Variants in DAPK1 observed in about 807,000 individuals in gnomAD.
The protein encoded by DAPK1 is death associated protein kinase 1, also known as death-associated protein kinase 1.
Under a neutral mutation model 144.9 loss-of-function variants are expected in DAPK1, and 56 were observed. The observed-to-expected ratio is 0.39, with a 90% CI of 0.31 to 0.48. The LOEUF is 0.48. DAPK1 is among the 20% of genes least tolerant of loss of function. The probability of loss-of-function intolerance (pLI) is 0.95; values close to 1 mark genes in which losing one functional copy is unlikely to be tolerated. For missense variants in DAPK1, 1,454 were observed against 1,875.4 expected, an observed-to-expected ratio of 0.78 and a Z score of 4.15; for synonymous variants, 690 against 749.0, an observed-to-expected ratio of 0.92 and a Z score of 1.29.
In DAPK1 at chr9:87,645,876, C is replaced by G; in HGVS notation, c.1012-19C>G. 1 of 1,612,774 alleles carries G rather than the reference C, an allele frequency of 6.2e-7. No homozygotes were observed. Among genetic ancestry groups the G allele is most frequent in the South Asian group, 1.1e-5 (1 of 90,948 alleles). ...GCTAGCAATGTAACTCTGTTTCCATCTTGGCTGTCTCTCTCAAGGATGAGG... is the reference window on the plus strand; with the variant it reads ...GCTAGCAATGTAACTCTGTTTCCATGTTGGCTGTCTCTCTCAAGGATGAGG... On this transcript the variant is annotated intron_variant, in intron 11 of 25. Transcript: ENST00000408954.
At chr9:87,639,237 C>T in intron 4 of DAPK1, 117 bp from the exon 5 acceptor site, 9 of 939,930 alleles carry the variant, frequency 9.6e-6, no homozygotes, top group Non-Finnish European at 1.3e-5. Flanking sequence ...CTTCCAACCA[C>T]CCTTTCTTCC....
At chr9:87,596,072 C>G (rs1451712841) in intron 2 of DAPK1, among the ~76,000 whole-genome samples, 1 of 152,010 alleles carries the variant, frequency 6.6e-6, no homozygotes, top group South Asian at 2.1e-4. Context: ...AGAATAACTC[C>G]AGGTGTGGGC....
chr9:87,574,746 C>T (rs1248249705), intron 2 of DAPK1, among the ~76,000 whole-genome samples: 1 of 152,084 alleles, frequency 6.6e-6, no homozygotes, highest in East Asian at 1.9e-4. Context: ...TGGTGAAACC[C>T]CGTCTCTACT....
intron 21 of DAPK1, among the ~76,000 whole-genome samples, chr9:87,693,168 T>C (rs1189237776): frequency 1.3e-5 from 2 of 151,642 alleles, no homozygotes; most frequent in Non-Finnish European, 2.9e-5. Flanking sequence ...AAATAGATTT[T>C]TTATCTCCTT....
At chr9:87,631,871 A>G (rs1199265996) in intron 3 of DAPK1, among the ~76,000 whole-genome samples, 1 of 152,222 alleles carries the variant, frequency 6.6e-6, no homozygotes, top group Admixed American at 6.5e-5. Context: ...CATTTGCTGA[A>G]ATCATTTAGT....
At chr9:87,524,702 A>C (rs576421779) in intron 2 of DAPK1, among the ~76,000 whole-genome samples, 2 of 152,304 alleles carry the variant, frequency 1.3e-5, no homozygotes, top group African/African-American at 4.8e-5. Context: ...ATAGAATACT[A>C]CTCGGCCCTA....
At chr9:87,672,277 G>A (rs1256882680) in intron 19 of DAPK1, among the ~76,000 whole-genome samples, 2 of 152,166 alleles carry the variant, frequency 1.3e-5, no homozygotes, top group African/African-American at 4.8e-5. Flanking sequence ...GTGTGTGGTG[G>A]GCACTGTGAT....
Position 87,605,156 on chromosome 9 carries a change from G to A in DAPK1, c.265G>A (p.Val89Ile), listed in dbSNP as rs541023394. Residue 89 changes from valine to isoleucine, a missense_variant, in exon 3 of 26, where the codon GTC becomes ATC. Val to Ile is a conservative substitution (Grantham distance 29, BLOSUM62 3). Transcript: ENST00000408954. The part of the protein sequence containing the change: ...LHEVYENKTD[V>I]ILILELVAGG... ...CGAGGTCTATGAGAACAAGACGGAC[G>A]TCATCCTGATCTTGGAACTGTGAGT... 29 of 1,613,814 alleles carry A rather than the reference G, an allele frequency of 1.8e-5. No individual in the cohort carries two copies. The East Asian group carries it at 2.2e-4, about 12-fold the overall frequency.
chr9:87,585,813 G>A (rs1334723570), intron 2 of DAPK1, among the ~76,000 whole-genome samples: 1 of 152,202 alleles, frequency 6.6e-6, no homozygotes, highest in Non-Finnish European at 1.5e-5. Flanking sequence ...AACAAGATGT[G>A]CTGTGTGTGT....
At chr9:87,680,659 A>G (rs1011342987) in intron 19 of DAPK1, among the ~76,000 whole-genome samples, 78 of 151,824 alleles carry the variant, frequency 5.1e-4, no homozygotes, top group African/African-American at 1.3e-3. Flanking sequence ...ACACGCGCAC[A>G]CACACACACA....
upstream of DAPK1, chr9:87,497,711 C>G (rs1824216095): frequency 4.2e-6 from 1 of 237,984 alleles, no homozygotes; most frequent in South Asian, 1.8e-4. Flanking sequence ...GAGCGCGGAG[C>G]TGGGAGGAGC....
intron 18 of DAPK1, among the ~76,000 whole-genome samples, chr9:87,664,254 C>T (rs1384214377): frequency 1.3e-5 from 2 of 152,146 alleles, no homozygotes; most frequent in Non-Finnish European, 2.9e-5. Flanking sequence ...TGCCGGCTCC[C>T]CCATCATGGA....
At chr9:87,699,357 A>G (rs1387821576) in intron 23 of DAPK1, among the ~76,000 whole-genome samples, 2 of 152,192 alleles carry the variant, frequency 1.3e-5, no homozygotes, top group Non-Finnish European at 2.9e-5. Context: ...GTCTTACAAT[A>G]TAAGTTGCAA....
chr9:87,575,441 G>C (rs759306718), intron 2 of DAPK1, among the ~76,000 whole-genome samples: 1 of 152,052 alleles, frequency 6.6e-6, no homozygotes, highest in Non-Finnish European at 1.5e-5. Context: ...GCATGGGTCT[G>C]TGTCAGCATT....
chr9:87,626,135 G>A (rs1240781256), intron 3 of DAPK1, among the ~76,000 whole-genome samples: 2 of 152,192 alleles, frequency 1.3e-5, no homozygotes, highest in East Asian at 3.8e-4. Context: ...CCAAGCAAGG[G>A]CCATTTGCAG....
At chr9:87,558,308 A>G (rs1057413336) in intron 2 of DAPK1, among the ~76,000 whole-genome samples, 6 of 152,180 alleles carry the variant, frequency 3.9e-5, no homozygotes, top group African/African-American at 1.4e-4. Flanking sequence ...AAAATGGATC[A>G]TGCTCTTTTG....
In DAPK1 at chr9:87,615,114, T is replaced by TG. The variant is rs537974229; in HGVS notation, c.284+9939_284+9940insG. On this transcript the variant is annotated intron_variant, in intron 3 of 25. Coordinates refer to ENST00000408954, the MANE Select transcript of DAPK1 (RefSeq NM_004938.4). The stretch of plus-strand genomic sequence containing the variant: ...AGACGTCCTTGAGCCCCTCAGAGCA[T>TG]CCCCTTCTGCCTCACGTCCTTGCAA... 5.6e-4 allele frequency among the ~76,000 whole-genome samples: 85 copies of TG among 152,302 alleles called. No individual in the cohort carries two copies. In the South Asian group the frequency reaches 0.017, roughly 30 times the overall value.
intron 2 of DAPK1, among the ~76,000 whole-genome samples, chr9:87,511,431 A>G (rs1444274628): frequency 6.6e-6 from 1 of 152,170 alleles, no homozygotes. Context: ...AGGGAGGGAA[A>G]AGCTTCATGT....
chr9:87,623,825 C>T (rs770566517), intron 3 of DAPK1, among the ~76,000 whole-genome samples: 1 of 152,078 alleles, frequency 6.6e-6, no homozygotes, highest in Non-Finnish European at 1.5e-5. Context: ...AAAACATCCA[C>T]CTCTGTAGAA....
Sources: allele counts gnomAD v4.1 joint callset (sites outside exome capture counted in the v4.1 genomes callset), GRCh38; gene constraint gnomAD v4.1.1; transcripts MANE v1.5; gene names NCBI Gene and HGNC (gene_info 2026-07-23, HGNC 2026-07-21).